NTM: variants seen among roughly 807,000 people sequenced by gnomAD.
NTM encodes the protein IgLON family member 2.
In NTM, 13 loss-of-function variants were observed where a neutral mutation model predicts 42.1. The observed-to-expected ratio is 0.31, with a 90% CI of 0.20 to 0.49. NTM has a LOEUF of 0.49. Among genes scored for constraint, NTM ranks in the 20% least tolerant of loss-of-function variants. The probability of loss-of-function intolerance (pLI) is 0.99; values close to 1 mark genes in which losing one functional copy is unlikely to be tolerated. For missense variants in NTM, 373 were observed against 452.8 expected, an observed-to-expected ratio of 0.82 and a Z score of 1.60; for synonymous variants, 187 against 179.2, an observed-to-expected ratio of 1.04 and a Z score of -0.35.
intron 1 of NTM, among the ~76,000 whole-genome samples, chr11:131,861,276 A>G (rs531352233): frequency 1.2e-4 from 19 of 152,328 alleles, no homozygotes; most frequent in Non-Finnish European, 1.5e-4. Context: ...TGCTAAAAAG[A>G]CTTTAGACCA....
chr11:131,408,084 C>A (rs1156552656), intron 1 of NTM, among the ~76,000 whole-genome samples: 1 of 152,164 alleles, frequency 6.6e-6, no homozygotes, highest in African/African-American at 2.4e-5. Context: ...GCCTCAGTGC[C>A]CCCCTTAATG....
At chr11:131,414,631 C>A (rs75981193) in intron 1 of NTM, among the ~76,000 whole-genome samples, 1 of 152,182 alleles carries the variant, frequency 6.6e-6, no homozygotes, top group Non-Finnish European at 1.5e-5. Context: ...CCATGCTCTG[C>A]CCTGGCTGTT....
intron 1 of NTM, among the ~76,000 whole-genome samples, chr11:131,423,916 C>T (rs1947790804): frequency 6.6e-6 from 1 of 152,184 alleles, no homozygotes; most frequent in South Asian, 2.1e-4. Context: ...ACACATTGCT[C>T]ATAAGTAGGG....
chr11:131,653,369 G>C (rs1387654434), intron 1 of NTM, among the ~76,000 whole-genome samples: 2 of 152,212 alleles, frequency 1.3e-5, no homozygotes, highest in African/African-American at 4.8e-5. Context: ...GACATCAGCC[G>C]GAGGGCCCTG....
intron 1 of NTM, among the ~76,000 whole-genome samples, chr11:131,493,633 A>G (rs1024513817): frequency 3.3e-5 from 5 of 152,202 alleles, no homozygotes; most frequent in African/African-American, 9.6e-5. Context: ...ATCTGAAGCC[A>G]CTCTGCAAGT....
At chr11:132,012,009 A>G (rs746747426) in intron 2 of NTM, among the ~76,000 whole-genome samples, 3 of 152,162 alleles carry the variant, frequency 2.0e-5, no homozygotes, top group Non-Finnish European at 4.4e-5. Flanking sequence ...TCCATATAAT[A>G]TAGTCATGTG....
At chr11:131,911,033 G>C in intron 1 of NTM, 1 of 1,033,412 alleles carries the variant, frequency 9.7e-7, no homozygotes, top group Non-Finnish European at 1.2e-6. Context: ...TCCCCCGTTC[G>C]AACTGAGGGA....
At chr11:131,954,492 C>T (rs2061359299) in intron 2 of NTM, among the ~76,000 whole-genome samples, 1 of 152,206 alleles carries the variant, frequency 6.6e-6, no homozygotes, top group Non-Finnish European at 1.5e-5. Context: ...TCAGGTTCCT[C>T]AGGGCTCCCG....
At chr11:131,789,955 C>CAAAA (rs36050979) in intron 1 of NTM, among the ~76,000 whole-genome samples, 2 of 20,308 alleles carry the variant, frequency 9.8e-5, no homozygotes, top group Non-Finnish European at 1.3e-4. Flanking sequence ...GACTCCGTCT[C>CAAAA]AAAAAAAAAA....
chr11:131,548,638 G>GA (rs1246938243), intron 1 of NTM, among the ~76,000 whole-genome samples: 1 of 152,204 alleles, frequency 6.6e-6, no homozygotes, highest in African/African-American at 2.4e-5. Flanking sequence ...TTCCGATCCA[G>GA]AAAGACTGCC....
At chr11:131,786,871 C>T (rs975875751) in intron 1 of NTM, among the ~76,000 whole-genome samples, 3 of 152,160 alleles carry the variant, frequency 2.0e-5, no homozygotes, top group Non-Finnish European at 1.5e-5. Context: ...GAGCTAAACA[C>T]TAGTTTAATG....
At chr11:131,389,050 G>GAAAAGAAAAGA (rs1555097661) in intron 1 of NTM, among the ~76,000 whole-genome samples, 3,028 of 99,704 alleles carry the variant, frequency 0.03, 266 homozygotes, top group Middle Eastern at 0.07. Flanking sequence ...AAAAGAAAAG[G>GAAAAGAAAAGA]AAAAAGAAAG....
intron 1 of NTM, among the ~76,000 whole-genome samples, chr11:131,855,725 A>G (rs1218670413): frequency 6.6e-6 from 1 of 152,144 alleles, no homozygotes; most frequent in African/African-American, 2.4e-5. Context: ...AAATTCCTTA[A>G]TATCAAATGC....
intron 8 of NTM, among the ~76,000 whole-genome samples, chr11:132,330,594 G>A (rs1247689523): frequency 6.6e-6 from 1 of 152,176 alleles, no homozygotes; most frequent in Admixed American, 6.5e-5. Flanking sequence ...GGAGCTGGAA[G>A]GGAAGTGGCA....
chr11:132,013,820 G>T (rs1221919185), intron 2 of NTM, among the ~76,000 whole-genome samples: 1 of 152,088 alleles, frequency 6.6e-6, no homozygotes, highest in Non-Finnish European at 1.5e-5. Flanking sequence ...AGAATGTGTA[G>T]TGATCAAGTT....
chr11:131,688,778 C>T (rs955808317), intron 1 of NTM, among the ~76,000 whole-genome samples: 4 of 152,216 alleles, frequency 2.6e-5, no homozygotes, highest in Admixed American at 2.0e-4. Context: ...AACCGTCAGT[C>T]CTGCTGTCTG....
At chr11:132,162,816 A>T (rs2074612863) in intron 3 of NTM, among the ~76,000 whole-genome samples, 1 of 144,786 alleles carries the variant, frequency 6.9e-6, no homozygotes, top group Non-Finnish European at 1.5e-5. Flanking sequence ...GGGAGTGTGT[A>T]TGTGATCTTG....
At chr11:132,314,742 G>A (rs760348189) in intron 7 of NTM, 39 bp downstream of exon 7, 1 of 1,590,028 alleles carries the variant, frequency 6.3e-7, no homozygotes, top group South Asian at 1.2e-5. Flanking sequence ...AGAGGGGAGA[G>A]GGTGCAGAAC....
chr11:132,214,884 A>G (rs1261734534), intron 4 of NTM, among the ~76,000 whole-genome samples: 1 of 152,216 alleles, frequency 6.6e-6, no homozygotes, highest in Non-Finnish European at 1.5e-5. Flanking sequence ...TCCAGATCTC[A>G]GGTCCAGTTT....
Sources: allele counts gnomAD v4.1 joint callset (sites outside exome capture counted in the v4.1 genomes callset), GRCh38; gene constraint gnomAD v4.1.1; transcripts MANE v1.5; gene names NCBI Gene and HGNC (gene_info 2026-07-23, HGNC 2026-07-21).